RAD54B: variants seen among roughly 807,000 people sequenced by gnomAD.
RAD54B encodes the protein DNA repair and recombination protein RAD54B.
A neutral mutation model predicts 95.8 loss-of-function variants in RAD54B; 78 were observed. That is an observed-to-expected ratio of 0.81 (90% CI 0.68 to 0.98). The LOEUF (loss-of-function observed/expected upper bound fraction) is 0.98. RAD54B is among the 50% of genes least tolerant of loss of function. The pLI, the probability that RAD54B is intolerant of heterozygous loss-of-function variation, is 0.00. For synonymous variants in RAD54B, 328 were observed against 354.9 expected (o/e 0.92, Z 0.85); for missense variants, 957 against 1,056.6 (o/e 0.91, Z 1.31).
intron 3 of RAD54B, chr8:94,432,694 A>C (rs1812139812): frequency 1.4e-6 from 2 of 1,416,612 alleles, no homozygotes; most frequent in East Asian, 5.1e-5. Context: ...ATGTAAATCA[A>C]ATGAAGAAAA....
intron 3 of RAD54B, 88 bp downstream of exon 3, chr8:94,458,175 CTAATA>C: frequency 1.6e-6 from 2 of 1,229,364 alleles, no homozygotes; most frequent in South Asian, 1.6e-5. Context: ...CAACAATTTT[CTAATA>C]TAACATATTC....
intron 3 of RAD54B, among the ~76,000 whole-genome samples, chr8:94,423,677 G>C (rs561491113): frequency 7.2e-5 from 11 of 152,232 alleles, no homozygotes; most frequent in Non-Finnish European, 1.5e-4. Flanking sequence ...GTTTTACCAA[G>C]CCCGATCTTC....
chr8:94,461,306 G>C (rs556894589), intron 2 of RAD54B, among the ~76,000 whole-genome samples: 1 of 150,882 alleles, frequency 6.6e-6, no homozygotes, highest in Non-Finnish European at 1.5e-5. Flanking sequence ...CCGAGTAGCT[G>C]AGATTACAGG....
At position 94,380,128 on chromosome 8, in the gene RAD54B, T is replaced by C. The variant is rs199541885; in HGVS notation, c.2247+17A>G. On this transcript the variant is annotated intron_variant, in intron 12 of 14. Coordinates refer to ENST00000336148, the MANE Select transcript of RAD54B (RefSeq NM_012415.3). ...CAGGCATTCAATAATATCTATTTAA[T>C]GCATAAATATTCCTACCTGAATGTC... The C allele has an allele frequency of 2.9e-5, 46 of 1,589,258 alleles. No homozygotes were observed. The highest frequency in any genetic ancestry group is 3.8e-5 in the Non-Finnish European group (44 of 1,162,468).
rs1272775072 is a variant in RAD54B at position 94,371,996 on chromosome 8, A to G, written c.*174T>C. ...AAGCACATCTTTATTTTTCATTTAA[A>G]CACTTAATATTTACAAAACATTAAA... On this transcript the variant is annotated 3_prime_UTR_variant, in exon 15 of 15. Transcript: ENST00000336148. 1.4e-5 allele frequency: 15 copies of G among 1,094,822 alleles called. No homozygotes were observed. The highest frequency in any genetic ancestry group is 1.8e-5 in the Non-Finnish European group (15 of 825,210). 67.8% of individuals were successfully genotyped at this position (1,094,822 alleles called of 1,614,324 possible). A position where few individuals can be genotyped will look rare whatever the true frequency, so the allele number is the denominator to read the frequency against.
chr8:94,429,180 C>G, intron 3 of RAD54B: 1 of 875,174 alleles, frequency 1.1e-6, no homozygotes, highest in Non-Finnish European at 1.4e-6. Flanking sequence ...TGTATACAGC[C>G]CCTAAATGCT....
chr8:94,432,775 A>C (rs1812146490), intron 3 of RAD54B: 8 of 1,245,430 alleles, frequency 6.4e-6, no homozygotes, highest in Non-Finnish European at 8.3e-6. Flanking sequence ...ATAAAGTTAC[A>C]AAATAAAAAA....
chr8:94,389,269 A>G (rs1285772120), intron 10 of RAD54B, among the ~76,000 whole-genome samples: 1 of 152,202 alleles, frequency 6.6e-6, no homozygotes, highest in South Asian at 2.1e-4. Flanking sequence ...GGGCGATCTT[A>G]ATGCACAAGT....
intron 3 of RAD54B, among the ~76,000 whole-genome samples, chr8:94,452,531 T>TC (rs59605192): frequency 0.31 from 47,310 of 151,770 alleles, 7,799 homozygotes; most frequent in East Asian, 0.43. Flanking sequence ...AGATAGAGTC[T>TC]GCACTCACCC....
chr8:94,454,981 C>T (rs1024337558), intron 3 of RAD54B, among the ~76,000 whole-genome samples: 4 of 152,186 alleles, frequency 2.6e-5, no homozygotes, highest in African/African-American at 9.6e-5. Flanking sequence ...CTCTTCACTA[C>T]CTTTTTCCTC....
chr8:94,395,762 A>G (rs1746713742), intron 8 of RAD54B, among the ~76,000 whole-genome samples: 1 of 152,178 alleles, frequency 6.6e-6, no homozygotes, highest in Admixed American at 6.6e-5. Flanking sequence ...TTTGGATATC[A>G]TCACATCTAG....
At chr8:94,403,400 G>A (rs1224975280) in intron 6 of RAD54B, among the ~76,000 whole-genome samples, 1 of 152,086 alleles carries the variant, frequency 6.6e-6, no homozygotes, top group East Asian at 1.9e-4. Context: ...CTCATAACCA[G>A]GTGCAGTGGC....
intron 3 of RAD54B, among the ~76,000 whole-genome samples, chr8:94,413,778 A>G (rs1258636674): frequency 6.6e-6 from 1 of 151,990 alleles, no homozygotes; most frequent in Non-Finnish European, 1.5e-5. Flanking sequence ...GGGGTAAAAT[A>G]TTCACAGCAT....
intron 2 of RAD54B, 152 bp downstream of exon 2, chr8:94,467,253 T>C (rs1004097556): frequency 7.3e-6 from 5 of 684,172 alleles, no homozygotes; most frequent in Non-Finnish European, 1.1e-5. Context: ...AAAAAAATTA[T>C]GTAATCTTCA....
chr8:94,430,085 G>A (rs955763597), intron 3 of RAD54B: 22 of 904,536 alleles, frequency 2.4e-5, no homozygotes, highest in Middle Eastern at 5.6e-4. Context: ...AGGCCGAGGC[G>A]GGCAGATCAC....
intron 10 of RAD54B, among the ~76,000 whole-genome samples, chr8:94,390,114 A>G (rs1487156081): frequency 6.6e-6 from 1 of 151,866 alleles, no homozygotes; most frequent in Non-Finnish European, 1.5e-5. Flanking sequence ...CTGAGGTGGG[A>G]GGATCACTTG....
Position 94,378,229 on chromosome 8 carries a change from A to G in RAD54B, c.2466T>C (p.Val822=), listed in dbSNP as rs1378522149. The change falls in exon 14 of 15, where the codon GTT becomes GTC. Residue 822 remains valine (V), a synonymous_variant. Transcript: ENST00000336148. ...LFTLHESSDC[V]THDLLDCECT... ...ACTCACAGTCAAGCAGATCATGAGT[A>G]ACACAATCTGAACTTTCATGTAATG... 1.9e-6 allele frequency: 3 copies of G among 1,613,114 alleles called. No individual in the cohort carries two copies. The highest frequency in any genetic ancestry group is 2.5e-6 in the Non-Finnish European group (3 of 1,179,622).
Position 94,378,693 on chromosome 8 carries a change from C to T in RAD54B, c.2248-59G>A, listed in dbSNP as rs716770. ...GTAGAAACTAATGGCCCCTTCCACACATGCAATTTGCAGAAATATGTTTTA... is the reference window on the plus strand; with the variant it reads ...GTAGAAACTAATGGCCCCTTCCACATATGCAATTTGCAGAAATATGTTTTA... On this transcript the variant is annotated intron_variant, in intron 12 of 14. Coordinates refer to ENST00000336148, the MANE Select transcript of RAD54B (RefSeq NM_012415.3). 0.39 allele frequency: 441,332 copies of T among 1,144,010 alleles called. 87,330 individuals carry two copies. The highest frequency in any genetic ancestry group is 0.55 in the Admixed American group (24,698 of 44,584). 70.9% of individuals were successfully genotyped at this position (1,144,010 alleles called of 1,614,324 possible). A position where few individuals can be genotyped will look rare whatever the true frequency, so the allele number is the denominator to read the frequency against.
At chr8:94,400,513 T>A in intron 6 of RAD54B, 50 bp from the exon 7 acceptor site, 1 of 1,435,938 alleles carries the variant, frequency 7.0e-7, no homozygotes, top group Non-Finnish European at 9.5e-7. Context: ...AAATATTTTA[T>A]GCTCTTAAAA....
Sources: gnomAD v4.1 joint callset for allele counts (sites outside exome capture counted in the v4.1 genomes callset) on GRCh38, gnomAD v4.1.1 for gene constraint, MANE v1.5 for transcripts, NCBI Gene and HGNC (gene_info 2026-07-23, HGNC 2026-07-21) for gene names.